UGT2B4: variants seen among roughly 807,000 people sequenced by gnomAD.
The protein encoded by UGT2B4 is UDP glucuronosyltransferase family 2 member B4.
In UGT2B4, 49 loss-of-function variants were observed where a neutral mutation model predicts 49.8. The observed-to-expected ratio is 0.98, with a 90% CI of 0.78 to 1.25. The LOEUF is 1.25. Ranked by LOEUF, UGT2B4 falls within the 50% of genes most tolerant of loss-of-function variation. The probability of loss-of-function intolerance (pLI) is 0.00; values close to 1 mark genes in which losing one functional copy is unlikely to be tolerated. For missense variants in UGT2B4, 729 were observed against 627.7 expected (o/e 1.16, Z -1.73); for synonymous variants, 246 against 217.7 (o/e 1.13, Z -1.14).
intron 2 of UGT2B4, 85 bp downstream of exon 2, chr4:69,493,608 C>G: frequency 6.9e-7 from 1 of 1,451,518 alleles, no homozygotes; most frequent in Admixed American, 2.7e-5. Context: ...CACCTTTCTT[C>G]CAGTGTAAGT....
intron 1 of UGT2B4, among the ~76,000 whole-genome samples, chr4:69,511,342 T>A (rs1051513394): frequency 2.0e-5 from 3 of 152,134 alleles, no homozygotes. Context: ...GTTGAGAGAC[T>A]TTTTTCTTTT....
rs910082438 is a variant in UGT2B4 at position 69,494,816 on chromosome 4, C to A, written c.721+325G>T. On this transcript the variant is annotated intron_variant, in intron 1 of 5. Transcript: ENST00000305107. Reference sequence around the variant, plus strand: ...CCAGTATGCATTCAGCAAGATGTTTCTGAATAAGTCTGACTTTTTTTTAAG... The same window carrying A: ...CCAGTATGCATTCAGCAAGATGTTTATGAATAAGTCTGACTTTTTTTTAAG... Among the ~76,000 whole-genome samples, 9 of 152,074 alleles carry A rather than the reference C, an allele frequency of 5.9e-5. No homozygotes were observed. The East Asian group carries it at 7.7e-4, about 13-fold the overall frequency.
upstream of UGT2B4, among the ~76,000 whole-genome samples, chr4:69,497,881 G>A (rs1019201485): frequency 6.6e-6 from 1 of 152,216 alleles, no homozygotes; most frequent in African/African-American, 2.4e-5. Context: ...GTGAAAAGAA[G>A]GGTTAGTGGA....
chr4:69,511,417 G>T (rs536870672), intron 1 of UGT2B4, among the ~76,000 whole-genome samples: 23 of 152,090 alleles, frequency 1.5e-4, no homozygotes, highest in Non-Finnish European at 3.2e-4. Flanking sequence ...ATGTTTGTGT[G>T]GTCTTCATTC....
chr4:69,485,345 C>A lies in UGT2B4; in HGVS notation c.1173G>T (p.Val391=). 3 of 1,613,996 alleles carry A rather than the reference C, an allele frequency of 1.9e-6. No homozygotes were observed. The highest frequency in any genetic ancestry group is 2.2e-5 in the South Asian group (2 of 91,082). Residue 391 remains valine, a synonymous_variant, in exon 5 of 6, where the codon GTG becomes GTT. Coordinates refer to ENST00000305107, the MANE Select transcript of UGT2B4 (RefSeq NM_021139.3). The stretch of plus-strand genomic sequence containing the variant: ...GTTGATCTGCAAACAATGGAACGCC[C>A]ACCATAGGGATTCCATGGTAGATTG... ...YEAIYHGIPM[V]GVPLFADQPD... is the part of the protein sequence containing the mutation.
At chr4:69,502,109 C>CTTTCTTTA in intron 1 of UGT2B4, among the ~76,000 whole-genome samples, 1 of 113,088 alleles carries the variant, frequency 8.8e-6, no homozygotes, top group East Asian at 2.6e-4. Context: ...TTCTTTCTTT[C>CTTTCTTTA]TTTCTTTCTT....
chr4:69,512,807 G>A (rs559928728), intron 1 of UGT2B4, among the ~76,000 whole-genome samples: 121 of 152,114 alleles, frequency 8.0e-4, no homozygotes, highest in African/African-American at 2.9e-3. Context: ...GTCTCATTGT[G>A]GTTTTAATTT....
chr4:69,503,048 G>C (rs1431644535), intron 1 of UGT2B4, among the ~76,000 whole-genome samples: 2 of 152,210 alleles, frequency 1.3e-5, no homozygotes, highest in Non-Finnish European at 2.9e-5. Flanking sequence ...GCCAAGAGGG[G>C]TTGGTGTGGG....
intron 1 of UGT2B4, among the ~76,000 whole-genome samples, chr4:69,501,701 G>T (rs1015758077): frequency 6.6e-6 from 1 of 152,132 alleles, no homozygotes; most frequent in African/African-American, 2.4e-5. Context: ...GGTTAGTATA[G>T]AGCTTCTGGG....
At chr4:69,522,263 C>T (rs1404977697) in intron 1 of UGT2B4, among the ~76,000 whole-genome samples, 1 of 152,140 alleles carries the variant, frequency 6.6e-6, no homozygotes, top group African/African-American at 2.4e-5. Context: ...ACATTATACA[C>T]AACCTAAGTT....
chr4:69,516,403 G>T (rs964897731), intron 1 of UGT2B4, among the ~76,000 whole-genome samples: 5 of 152,172 alleles, frequency 3.3e-5, no homozygotes, highest in Non-Finnish European at 7.4e-5. Context: ...TTGAGGAATT[G>T]CCTCACTGTC....
At chr4:69,524,467 G>T (rs1728924546) in intron 1 of UGT2B4, among the ~76,000 whole-genome samples, 1 of 151,758 alleles carries the variant, frequency 6.6e-6, no homozygotes, top group Admixed American at 6.6e-5. Context: ...TATGTAATAA[G>T]TTTGATATCT....
At chr4:69,524,468 T>C (rs982046027) in intron 1 of UGT2B4, among the ~76,000 whole-genome samples, 7 of 152,072 alleles carry the variant, frequency 4.6e-5, no homozygotes, top group Non-Finnish European at 7.4e-5. Flanking sequence ...ATGTAATAAG[T>C]TTGATATCTT....
chr4:69,520,725 C>T (rs1728829091), intron 1 of UGT2B4, among the ~76,000 whole-genome samples: 1 of 152,118 alleles, frequency 6.6e-6, no homozygotes, highest in Non-Finnish European at 1.5e-5. Context: ...CACAGGAAGG[C>T]AGCTAAATGG....
chr4:69,487,951 CTT>C (rs1294938285), intron 3 of UGT2B4, among the ~76,000 whole-genome samples: 1 of 151,890 alleles, frequency 6.6e-6, no homozygotes, highest in Non-Finnish European at 1.5e-5. Context: ...AAGTAGTTCA[CTT>C]ATATCTACTT....
At chr4:69,501,038 C>T (rs1211198391) in intron 1 of UGT2B4, among the ~76,000 whole-genome samples, 1 of 152,080 alleles carries the variant, frequency 6.6e-6, no homozygotes, top group East Asian at 1.9e-4. Flanking sequence ...CAGGCGGCCA[C>T]CTGCAAGCGC....
At chr4:69,525,078 A>G (rs1728950275) in intron 1 of UGT2B4, among the ~76,000 whole-genome samples, 1 of 152,218 alleles carries the variant, frequency 6.6e-6, no homozygotes, top group East Asian at 1.9e-4. Context: ...TGTACAGTAC[A>G]TATGGGGTTT....
In UGT2B4 at chr4:69,502,016, A is replaced by T. The variant is rs570049283; in HGVS notation, c.-105-6050T>A. On this transcript the variant is annotated intron_variant, in intron 1 of 1. Transcript: ENST00000510114. ...CCCTGGGAGGTTCATTTGCCTCTGC[A>T]TTGCTCCTGGGTGGGACATCATCCT... Among the ~76,000 whole-genome samples the T allele has an allele frequency of 7.2e-4, 109 of 151,520 alleles. 1 individual carries two copies. The highest frequency in any genetic ancestry group is 1.9e-4 in the Non-Finnish European group (13 of 67,880).
At chr4:69,491,758 T>C (rs1351061612) in intron 2 of UGT2B4, among the ~76,000 whole-genome samples, 1 of 152,094 alleles carries the variant, frequency 6.6e-6, no homozygotes, top group Non-Finnish European at 1.5e-5. Context: ...TTTCCCTTAA[T>C]GTGAGTGGGG....
Sources: allele counts gnomAD v4.1 joint callset (sites outside exome capture counted in the v4.1 genomes callset), GRCh38; gene constraint gnomAD v4.1.1; transcripts MANE v1.5; gene names NCBI Gene and HGNC (gene_info 2026-07-23, HGNC 2026-07-21).